Variants in FAM13A observed in about 807,000 individuals in gnomAD.
The protein encoded by FAM13A is protein FAM13A.
A neutral mutation model predicts 129.6 loss-of-function variants in FAM13A; 76 were observed. That is an observed-to-expected ratio of 0.59 (90% CI 0.49 to 0.71). The LOEUF (loss-of-function observed/expected upper bound fraction) is 0.71, where lower values mean the gene tolerates loss of function less well. Ranked by LOEUF, FAM13A falls within the 30% of genes least tolerant of loss-of-function variation. The pLI, the probability that FAM13A is intolerant of heterozygous loss-of-function variation, is 0.00. For missense variants in FAM13A, 1,108 were observed against 1,249.3 expected (o/e 0.89, Z 1.70); for synonymous variants, 443 against 449.9 (o/e 0.98, Z 0.20).
rs1163900663 is a variant in FAM13A at position 88,728,670 on chromosome 4, T to G, written c.2946-11A>C. On this transcript the variant is annotated splice_polypyrimidine_tract_variant and intron_variant, in intron 23 of 23. Coordinates refer to ENST00000264344, the MANE Select transcript of FAM13A (RefSeq NM_014883.4). Reference sequence around the variant, plus strand: ...TCCTTCTGGACATTTCTAATGCAAATAAAGGAAAAAGGGGTCTGAGGATCA... The same window carrying G: ...TCCTTCTGGACATTTCTAATGCAAAGAAAGGAAAAAGGGGTCTGAGGATCA... 6.2e-7 allele frequency: 1 copy of G among 1,608,426 alleles called. No individual in the cohort carries two copies. The highest frequency in any genetic ancestry group is 8.5e-7 in the Non-Finnish European group (1 of 1,178,374).
chr4:88,750,400 T>TAG, intron 15 of FAM13A, 24 bp downstream of exon 15: 1 of 1,576,950 alleles, frequency 6.3e-7, no homozygotes, highest in Non-Finnish European at 8.7e-7. Flanking sequence ...TGCATTTGTC[T>TAG]ATCAGCAACA....
chr4:88,896,404 A>G (rs1746334479), intron 6 of FAM13A, among the ~76,000 whole-genome samples: 1 of 152,310 alleles, frequency 6.6e-6, no homozygotes, highest in Admixed American at 6.5e-5. Flanking sequence ...CATGTACCCT[A>G]AAACTTAAAG....
intron 1 of FAM13A, among the ~76,000 whole-genome samples, chr4:89,031,783 T>C (rs1052996987): frequency 2.4e-4 from 36 of 152,210 alleles, no homozygotes; most frequent in African/African-American, 7.7e-4. Flanking sequence ...CTATTCTCCA[T>C]ACATCTCTAA....
At chr4:89,038,388 C>T (rs1769666704) in intron 1 of FAM13A, among the ~76,000 whole-genome samples, 1 of 152,072 alleles carries the variant, frequency 6.6e-6, no homozygotes, top group South Asian at 2.1e-4. Flanking sequence ...AGATAGAAAG[C>T]CACCCCATCA....
chr4:88,856,518 C>A (rs1197730437), intron 6 of FAM13A, among the ~76,000 whole-genome samples: 6 of 151,850 alleles, frequency 4.0e-5, no homozygotes, highest in African/African-American at 9.7e-5. Flanking sequence ...AAACAAAAAA[C>A]CAAAAAACCC....
intron 7 of FAM13A, among the ~76,000 whole-genome samples, chr4:88,831,487 C>T (rs1309279130): frequency 6.6e-6 from 1 of 152,152 alleles, no homozygotes; most frequent in Non-Finnish European, 1.5e-5. Context: ...ATTCCTGAGA[C>T]ATGAAATACC....
At chr4:88,987,487 C>G (rs1277858670) in intron 4 of FAM13A, among the ~76,000 whole-genome samples, 2 of 152,132 alleles carry the variant, frequency 1.3e-5, no homozygotes, top group Non-Finnish European at 2.9e-5. Flanking sequence ...TGTGAGACAA[C>G]TTAACATTAC....
intron 5 of FAM13A, among the ~76,000 whole-genome samples, chr4:88,930,638 T>C (rs1402371567): frequency 6.6e-6 from 1 of 152,070 alleles, no homozygotes; most frequent in Non-Finnish European, 1.5e-5. Context: ...TGCTGCAGCA[T>C]TAGTGGGTCC....
intron 6 of FAM13A, chr4:88,855,319 A>G (rs1738304469): frequency 6.6e-6 from 1 of 152,146 alleles, no homozygotes; most frequent in Non-Finnish European, 1.5e-5. Flanking sequence ...CTTAGGAAAA[A>G]AATCAAATTT....
chr4:88,960,109 G>A (rs1434313159), intron 4 of FAM13A, among the ~76,000 whole-genome samples: 1 of 152,190 alleles, frequency 6.6e-6, no homozygotes, highest in Non-Finnish European at 1.5e-5. Flanking sequence ...AGAGGTAACT[G>A]TCTTAAATTC....
At chr4:88,751,727 A>G (rs1742667265) in intron 14 of FAM13A, among the ~76,000 whole-genome samples, 1 of 152,218 alleles carries the variant, frequency 6.6e-6, no homozygotes, top group Non-Finnish European at 1.5e-5. Context: ...TCCTTTCCTC[A>G]TTAAACAAAA....
intron 23 of FAM13A, among the ~76,000 whole-genome samples, chr4:88,730,566 A>AT (rs1371801082): frequency 6.6e-6 from 1 of 151,692 alleles, no homozygotes; most frequent in Non-Finnish European, 1.5e-5. Flanking sequence ...AATTTTTTGT[A>AT]TTTTTAGTAG....
intron 7 of FAM13A, 38 bp from the exon 8 acceptor site, chr4:88,805,090 G>C: frequency 9.3e-7 from 1 of 1,078,790 alleles, no homozygotes; most frequent in Non-Finnish European, 1.4e-6. Context: ...TATAATGTCT[G>C]TTAATATGAC....
At chr4:88,836,401 C>T (rs921048603) in intron 7 of FAM13A, among the ~76,000 whole-genome samples, 1 of 152,126 alleles carries the variant, frequency 6.6e-6, no homozygotes, top group African/African-American at 2.4e-5. Flanking sequence ...CCCAAGTACC[C>T]TTGGAGGTTC....
At chr4:88,933,648 C>T (rs964999083) in intron 5 of FAM13A, among the ~76,000 whole-genome samples, 6 of 152,106 alleles carry the variant, frequency 3.9e-5, no homozygotes, top group African/African-American at 1.4e-4. Flanking sequence ...ACTACAGTCT[C>T]TAGTACCTCC....
intron 4 of FAM13A, among the ~76,000 whole-genome samples, chr4:88,965,065 C>G (rs890840359): frequency 6.6e-6 from 1 of 152,184 alleles, no homozygotes; most frequent in Non-Finnish European, 1.5e-5. Flanking sequence ...ACATCTTTTA[C>G]GTCTTCTTTC....
chr4:88,760,174 T>C (rs909045189), intron 13 of FAM13A, among the ~76,000 whole-genome samples: 2 of 152,224 alleles, frequency 1.3e-5, no homozygotes, highest in African/African-American at 4.8e-5. Flanking sequence ...CCAACCCACT[T>C]TGAAATCATC....
At chr4:88,945,990 G>GTGTATATA in intron 4 of FAM13A, among the ~76,000 whole-genome samples, 52 of 61,936 alleles carry the variant, frequency 8.4e-4, no homozygotes, top group South Asian at 7.4e-3. Flanking sequence ...GTGTGTGTGT[G>GTGTATATA]TATATATATA....
Position 88,832,850 on chromosome 4 carries a change from ACCAT to A in FAM13A, c.1007+18166_1007+18169del, listed in dbSNP as rs1437201611. 4.5e-3 allele frequency among the ~76,000 whole-genome samples: 679 copies of A among 152,314 alleles called. 3 individuals are homozygous for A. The highest frequency in any genetic ancestry group is 0.015 in the African/African-American group (642 of 41,570). On this transcript the variant is annotated intron_variant, in intron 7 of 23. Coordinates refer to ENST00000264344, the MANE Select transcript of FAM13A (RefSeq NM_014883.4). Reference sequence around the variant, plus strand: ...TTCCTCAAAGATCTAGAACAGAAATACCATTTGACTCAGCAATCCCATTAGTGGG... The same window carrying A: ...TTCCTCAAAGATCTAGAACAGAAATATTGACTCAGCAATCCCATTAGTGGG...
Sources: allele counts gnomAD v4.1 joint callset (sites outside exome capture counted in the v4.1 genomes callset), GRCh38; gene constraint gnomAD v4.1.1; transcripts MANE v1.5; gene names NCBI Gene and HGNC (gene_info 2026-07-23, HGNC 2026-07-21).